The following TCAIM variants were observed in gnomAD, a reference collection of about 807,000 sequenced individuals.
TCAIM encodes T-cell activation inhibitor, mitochondrial.
Under a neutral mutation model 58.6 loss-of-function variants are expected in TCAIM, and 36 were observed. That is an observed-to-expected ratio of 0.61 (90% confidence interval 0.47 to 0.81). The LOEUF is 0.81. TCAIM is among the 30% of genes least tolerant of loss of function. The pLI is 0.00. For synonymous variants in TCAIM, 172 were observed against 193.6 expected (o/e 0.89, Z 0.93); for missense variants, 466 against 579.6 (o/e 0.80, Z 2.01).
Position 44,407,638 on chromosome 3 carries a change from C to T in TCAIM, c.1447C>T (p.Leu483Phe), listed in dbSNP as rs1575286280. Residue 483 changes from leucine to phenylalanine, a missense_variant, in exon 11 of 11, where the codon CTT becomes TTT. By Grantham distance (22) the Leu-to-Phe change is conservative. Coordinates refer to ENST00000342649, the MANE Select transcript of TCAIM (RefSeq NM_173826.4). Reference sequence around the variant, plus strand: ...TTACTCTGTTATGCAAGATGGAGACCTTTGTATTCCTTGGAATTGGAAGAA... The same window carrying T: ...TTACTCTGTTATGCAAGATGGAGACTTTTGTATTCCTTGGAATTGGAAGAA... ...HFYSVMQDGDLCIPWNWKNGE... is the reference protein window; with the variant it reads ...HFYSVMQDGDFCIPWNWKNGE... 6.2e-7 allele frequency: 1 copy of T among 1,610,748 alleles called. No individual in the cohort carries two copies. The highest frequency in any genetic ancestry group is 8.5e-7 in the Non-Finnish European group (1 of 1,179,080).
intron 5 of TCAIM, among the ~76,000 whole-genome samples, chr3:44,370,072 T>C (rs1393366569): frequency 8.9e-6 from 1 of 112,978 alleles, no homozygotes; most frequent in Non-Finnish European, 2.0e-5. Context: ...AGATAAGTTA[T>C]GTTGCTGTGA....
chr3:44,378,108 C>T (rs747892935), intron 5 of TCAIM, among the ~76,000 whole-genome samples: 5 of 152,108 alleles, frequency 3.3e-5, no homozygotes, highest in Admixed American at 6.6e-5. Flanking sequence ...CTGCTGGGTG[C>T]GGTGGCTCAC....
intron 1 of TCAIM, among the ~76,000 whole-genome samples, chr3:44,345,899 A>T (rs1700956178): frequency 6.6e-6 from 1 of 152,184 alleles, no homozygotes; most frequent in African/African-American, 2.4e-5. Flanking sequence ...AGGGCAGGGC[A>T]TTTATGAGTA....
intron 1 of TCAIM, among the ~76,000 whole-genome samples, chr3:44,350,176 T>C (rs1233227396): frequency 6.6e-6 from 1 of 152,012 alleles, no homozygotes; most frequent in Non-Finnish European, 1.5e-5. Context: ...TTTGGGTAGG[T>C]AGTGAAAAAT....
In TCAIM at chr3:44,339,475, A is replaced by G. The variant is rs116865062; in HGVS notation, c.-45+641A>G. Among the ~76,000 whole-genome samples, 132 of 152,312 alleles carry G rather than the reference A, an allele frequency of 8.7e-4. No homozygotes were observed. In the East Asian group the frequency reaches 0.021, roughly 24 times the overall value. On this transcript the variant is annotated intron_variant, in intron 1 of 10. Coordinates refer to ENST00000342649, the MANE Select transcript of TCAIM (RefSeq NM_173826.4). Reference sequence around the variant, plus strand: ...ACCGTTTTTCGTGTACTCTTCCATAATTTGGATTTTTCACTGATTTAGGTA... The same window carrying G: ...ACCGTTTTTCGTGTACTCTTCCATAGTTTGGATTTTTCACTGATTTAGGTA...
At position 44,367,705 on chromosome 3, in the gene TCAIM, T is replaced by C. The variant is rs1325378259; in HGVS notation, c.569T>C (p.Leu190Pro). The C allele has an allele frequency of 6.2e-6, 10 of 1,602,992 alleles. No homozygotes were observed. The highest frequency in any genetic ancestry group is 7.7e-6 in the Non-Finnish European group (9 of 1,172,810). Residue 190 changes from leucine (L) to proline (P), a missense_variant, in exon 5 of 11, where the codon CTC (leucine) becomes CCC (proline). Leu to Pro is a moderately conservative substitution (Grantham distance 98). Coordinates refer to ENST00000342649, the MANE Select transcript of TCAIM (RefSeq NM_173826.4). ...LEQVSRVETT[L>P]TSWLDNNGKS... Reference sequence around the variant, plus strand: ...CAAGTCTCGAGAGTGGAAACAACTCTCACGTATGTAAAAGTTTTTATCTAA... The same window carrying C: ...CAAGTCTCGAGAGTGGAAACAACTCCCACGTATGTAAAAGTTTTTATCTAA...
chr3:44,339,690 A>G (rs1700814759), intron 1 of TCAIM: 1 of 152,186 alleles, frequency 6.6e-6, no homozygotes, highest in Admixed American at 6.5e-5. Context: ...CTTCCAGGAA[A>G]GGCACCATTT....
chr3:44,352,086 T>C (rs1701103782), intron 1 of TCAIM, among the ~76,000 whole-genome samples: 1 of 148,390 alleles, frequency 6.7e-6, no homozygotes, highest in Non-Finnish European at 1.5e-5. Flanking sequence ...TATGTGTGTG[T>C]GTATATATAT....
In TCAIM at chr3:44,344,468, C is replaced by T. The variant is rs959261454; in HGVS notation, c.-45+5634C>T. On this transcript the variant is annotated intron_variant, in intron 1 of 10. Transcript: ENST00000342649. ...AAAAACAACAGAAATATATTTCTTG[C>T]GGTTCTGGAGTCTGGGAAATTCAAC... is the stretch of plus-strand genomic sequence containing the variant. Among the ~76,000 whole-genome samples, 5 of 152,166 alleles carry T rather than the reference C, an allele frequency of 3.3e-5. No individual in the cohort carries two copies. In the South Asian group the frequency reaches 6.2e-4, roughly 19 times the overall value.
At position 44,396,761 on chromosome 3, in the gene TCAIM, C is replaced by T. The variant is rs1400100870; in HGVS notation, c.812C>T (p.Thr271Ile). Residue 271 changes from threonine to isoleucine, a missense_variant, in exon 8 of 11, where the codon ACA (threonine) becomes ATA (isoleucine). Coordinates refer to ENST00000342649, the MANE Select transcript of TCAIM (RefSeq NM_173826.4). Reference sequence around the variant, plus strand: ...TCATCAGGGTGTACAATCATATTTACAGACCGTTCTGGCATGAGTGCAGTG... The same window carrying T: ...TCATCAGGGTGTACAATCATATTTATAGACCGTTCTGGCATGAGTGCAGTG... ...KKAKGCTIIF[T>I]DRSGMSAVGH... 6.2e-7 allele frequency: 1 copy of T among 1,614,100 alleles called. No individual in the cohort carries two copies. Among genetic ancestry groups the T allele is most frequent in the Non-Finnish European group, 8.5e-7 (1 of 1,179,990 alleles).
intron 3 of TCAIM, chr3:44,358,844 TA>T: frequency 1.0e-6 from 1 of 985,398 alleles, no homozygotes; most frequent in Non-Finnish European, 1.2e-6. Flanking sequence ...AGAACATCGT[TA>T]TTTTTTTCTA....
At chr3:44,382,773 TAA>T (rs1701673359) in intron 5 of TCAIM, among the ~76,000 whole-genome samples, 1 of 152,144 alleles carries the variant, frequency 6.6e-6, no homozygotes, top group Non-Finnish European at 1.5e-5. Context: ...GTTTGTGCAC[TAA>T]AAGACACTAT....
chr3:44,367,863 C>G (rs1215355682), intron 5 of TCAIM, 155 bp downstream of exon 5: 23 of 652,116 alleles, frequency 3.5e-5, no homozygotes, highest in Non-Finnish European at 5.5e-5. Context: ...TACTATCAGT[C>G]TAGTTAATCC....
intron 1 of TCAIM, among the ~76,000 whole-genome samples, chr3:44,351,786 C>T (rs191022876): frequency 5.5e-4 from 84 of 152,222 alleles, no homozygotes; most frequent in African/African-American, 1.6e-3. Flanking sequence ...TGAGCCACCG[C>T]GCCCAACCCA....
At chr3:44,367,025 A>T (rs1701390637) in intron 4 of TCAIM, among the ~76,000 whole-genome samples, 1 of 152,236 alleles carries the variant, frequency 6.6e-6, no homozygotes, top group Non-Finnish European at 1.5e-5. Context: ...ACTAGATTAT[A>T]TGGCCCCTCT....
At position 44,407,480 on chromosome 3, in the gene TCAIM, CAAAGAAATTTTCTTTGGAGAAGTTATAT is replaced by C; in HGVS notation, c.1295_1322del (p.Lys432SerfsTer17). 1 of 1,606,252 alleles carries C rather than the reference CAAAGAAATTTTCTTTGGAGAAGTTATAT, an allele frequency of 6.2e-7. No individual in the cohort carries two copies. Among genetic ancestry groups the C allele is most frequent in the Non-Finnish European group, 8.5e-7 (1 of 1,173,794 alleles). ...GAAAATGAATTGATACAGGCATCAA[CAAAGAAATTTTCTTTGGAGAAGTTATAT>C]AAAGAGCCCAGCATTTCTAGTATAC... is the stretch of plus-strand genomic sequence containing the variant. On this transcript the variant is annotated frameshift_variant, in exon 11 of 11. Coordinates refer to ENST00000342649, the MANE Select transcript of TCAIM (RefSeq NM_173826.4). LOFTEE classifies it high-confidence loss of function.
At chr3:44,371,916 G>A (rs373206221) in intron 5 of TCAIM, among the ~76,000 whole-genome samples, 2 of 151,846 alleles carry the variant, frequency 1.3e-5, no homozygotes, top group African/African-American at 4.8e-5. Flanking sequence ...CTCTTACACG[G>A]ATTTTTTTTC....
intron 4 of TCAIM, among the ~76,000 whole-genome samples, chr3:44,365,914 G>A (rs1701366791): frequency 6.6e-6 from 1 of 152,208 alleles, no homozygotes; most frequent in African/African-American, 2.4e-5. Context: ...TGTTAATAGT[G>A]ATTACCTCAA....
At chr3:44,348,560 A>G (rs1261738627) in intron 1 of TCAIM, among the ~76,000 whole-genome samples, 8 of 152,188 alleles carry the variant, frequency 5.3e-5, no homozygotes, top group African/African-American at 1.9e-4. Context: ...TGTGTGCTGG[A>G]GATGTGGCTG....
Sources: allele counts gnomAD v4.1 joint callset (sites outside exome capture counted in the v4.1 genomes callset), GRCh38; gene constraint gnomAD v4.1.1; transcripts MANE v1.5; gene names NCBI Gene and HGNC (gene_info 2026-07-23, HGNC 2026-07-21).